HIPK2: variants seen among roughly 807,000 people sequenced by gnomAD.
The protein encoded by HIPK2 is homeodomain interacting protein kinase 2, also known as homeodomain-interacting protein kinase 2.
HIPK2 carries 27 observed loss-of-function variants against 113.7 expected under a neutral mutation model. That is an observed-to-expected ratio of 0.24 (90% CI 0.17 to 0.33). The LOEUF (loss-of-function observed/expected upper bound fraction) is 0.33, where lower values mean the gene tolerates loss of function less well. Among genes scored for constraint, HIPK2 ranks in the 10% least tolerant of loss-of-function variants. The pLI, the probability that HIPK2 is intolerant of heterozygous loss-of-function variation, is 1.00. For synonymous variants in HIPK2, 631 were observed against 642.2 expected (o/e 0.98, Z 0.26); for missense variants, 1,257 against 1,588.0 (o/e 0.79, Z 3.54).
At chr7:139,775,000 A>G (rs539216537) in intron 1 of HIPK2, among the ~76,000 whole-genome samples, 1 of 152,322 alleles carries the variant, frequency 6.6e-6, no homozygotes, top group African/African-American at 2.4e-5. Context: ...TTCTGTCTAA[A>G]TCTCTGGCGG....
chr7:139,714,245 G>A lies in HIPK2; in HGVS notation c.1103+1687C>T, dbSNP rs184796789. On this transcript the variant is annotated intron_variant, in intron 2 of 14. Coordinates refer to ENST00000406875, the MANE Select transcript of HIPK2 (RefSeq NM_022740.5). The surrounding 1 kb of genome is among the most constrained non-coding windows in gnomAD (Gnocchi z 4.2). ...CTCGCAGAGAGCTGTTCTAACTCAG[G>A]AAATGCCTCCTAAAGGGAAGAGGGA... Among the ~76,000 whole-genome samples, 393 of 152,342 alleles carry A rather than the reference G, an allele frequency of 2.6e-3. 2 individuals carry two copies. The highest frequency in any genetic ancestry group is 4.8e-3 in the Non-Finnish European group (326 of 68,024).
At chr7:139,776,000 A>G (rs899278307) in intron 1 of HIPK2, among the ~76,000 whole-genome samples, 11 of 152,178 alleles carry the variant, frequency 7.2e-5, no homozygotes, top group Admixed American at 7.2e-4. Flanking sequence ...TCAAGGAGGT[A>G]CTTAATAAAG....
chr7:139,588,009 C>A (rs1209758846), intron 12 of HIPK2, among the ~76,000 whole-genome samples: 1 of 152,066 alleles, frequency 6.6e-6, no homozygotes, highest in Non-Finnish European at 1.5e-5. Flanking sequence ...CATGATGAAA[C>A]CTTGTCTCTA....
intron 1 of HIPK2, 37 bp from the exon 2 acceptor site, chr7:139,717,052 T>A: frequency 1.9e-6 from 3 of 1,576,530 alleles, no homozygotes; most frequent in Non-Finnish European, 2.6e-6. Context: ...AGTATCGGAG[T>A]CACCTTGGTA....
intron 2 of HIPK2, among the ~76,000 whole-genome samples, chr7:139,642,100 C>T (rs1215249632): frequency 1.3e-5 from 2 of 152,174 alleles, no homozygotes; most frequent in African/African-American, 2.4e-5. Flanking sequence ...AAGGTGTACT[C>T]GAACTGCAGA....
At position 139,614,373 on chromosome 7, in the gene HIPK2, T is replaced by TGCTCCGCTGGGCCAC. The variant is rs757304037; in HGVS notation, c.1888_1902dup (p.Val630_Ser634dup). ...TGGGCTGTTCCTGTCTGCAGGGGCA[T>TGCTCCGCTGGGCCAC]GCTCCGCTGGGCCACTGCAGCCATG... On this transcript the variant is annotated inframe_insertion, in exon 8 of 15. Coordinates refer to ENST00000406875, the MANE Select transcript of HIPK2 (RefSeq NM_022740.5). The TGCTCCGCTGGGCCAC allele has an allele frequency of 6.3e-7, 1 of 1,585,950 alleles. No homozygotes were observed. Among genetic ancestry groups the TGCTCCGCTGGGCCAC allele is most frequent in the Non-Finnish European group, 8.6e-7 (1 of 1,161,596 alleles).
intron 1 of HIPK2, among the ~76,000 whole-genome samples, chr7:139,750,073 C>T (rs766546503): frequency 6.6e-6 from 1 of 152,206 alleles, no homozygotes; most frequent in African/African-American, 2.4e-5. Flanking sequence ...CCCCTGGAGA[C>T]ATTAATACAG....
intron 1 of HIPK2, among the ~76,000 whole-genome samples, chr7:139,745,073 A>G (rs1796168109): frequency 6.6e-6 from 1 of 152,202 alleles, no homozygotes; most frequent in South Asian, 2.1e-4. Context: ...AAGCTGGCGT[A>G]TTGTTCACTG....
intron 2 of HIPK2, among the ~76,000 whole-genome samples, chr7:139,669,766 G>GT (rs1342249362): frequency 1.3e-5 from 2 of 152,154 alleles, no homozygotes; most frequent in African/African-American, 2.4e-5. Flanking sequence ...AATTATCATG[G>GT]AATAAAAAGA....
intron 1 of HIPK2, among the ~76,000 whole-genome samples, chr7:139,719,687 A>G (rs139780777): frequency 1.3e-5 from 2 of 152,218 alleles, no homozygotes; most frequent in East Asian, 1.9e-4. Flanking sequence ...CTTGGCTCCA[A>G]AACTATGAAC....
intron 12 of HIPK2, among the ~76,000 whole-genome samples, chr7:139,584,597 T>A (rs1366592582): frequency 6.6e-6 from 1 of 152,214 alleles, no homozygotes; most frequent in Non-Finnish European, 1.5e-5. Flanking sequence ...AGCGTGAGGC[T>A]CTGAGGGGGC....
rs1802235453 is a variant in HIPK2, at chr7:139,670,686, A to G, written c.1104-38961T>C. Among the ~76,000 whole-genome samples, 4 of 149,318 alleles carry G rather than the reference A, an allele frequency of 2.7e-5. No individual in the cohort carries two copies. The South Asian group carries it at 8.4e-4, about 31-fold the overall frequency. ...TTAAAAAGGGAGGTGTGTAGCTACC[A>G]CCTTTGCATTCCCAATCATTCAAAA... On this transcript the variant is annotated intron_variant, in intron 2 of 14. Transcript: ENST00000406875.
intron 1 of HIPK2, among the ~76,000 whole-genome samples, chr7:139,774,658 T>C (rs994372027): frequency 1.3e-5 from 2 of 152,232 alleles, no homozygotes; most frequent in South Asian, 2.1e-4. Flanking sequence ...CCAATAGTAA[T>C]CAACACAGCA....
chr7:139,744,422 C>T (rs530699897), intron 1 of HIPK2, among the ~76,000 whole-genome samples: 5 of 152,008 alleles, frequency 3.3e-5, no homozygotes, highest in African/African-American at 7.3e-5. Context: ...GAAGGAGAAG[C>T]GAATAGGGAG....
chr7:139,615,752 G>T (rs1800017828), intron 7 of HIPK2, among the ~76,000 whole-genome samples: 1 of 152,296 alleles, frequency 6.6e-6, no homozygotes, highest in African/African-American at 2.4e-5. Context: ...AAAGGACAAA[G>T]TCTTATTTTA....
intron 2 of HIPK2, among the ~76,000 whole-genome samples, chr7:139,687,387 A>T (rs936044094): frequency 1.3e-5 from 2 of 152,230 alleles, no homozygotes; most frequent in Non-Finnish European, 2.9e-5. Context: ...AATGCATGTG[A>T]TTCACTGTAT....
At chr7:139,706,184 T>C (rs2116885794) in intron 2 of HIPK2, among the ~76,000 whole-genome samples, 1 of 152,370 alleles carries the variant, frequency 6.6e-6, no homozygotes. Flanking sequence ...GGAACTGATC[T>C]GTTCGAAGCT....
chr7:139,628,841 A>C, intron 5 of HIPK2, 112 bp downstream of exon 5: 1 of 852,784 alleles, frequency 1.2e-6, no homozygotes, highest in Non-Finnish European at 1.8e-6. Context: ...AAGGTCAACC[A>C]CTGCAGTTGA....
In HIPK2 at chr7:139,613,293, C is replaced by T; in HGVS notation, c.2021G>A (p.Gly674Asp). The T allele has an allele frequency of 6.2e-7, 1 of 1,613,554 alleles. No individual in the cohort carries two copies. The highest frequency in any genetic ancestry group is 8.5e-7 in the Non-Finnish European group (1 of 1,179,740). Reference protein sequence around the residue: ...GLQASPSKHAGYSVRMENAVP... With the variant: ...GLQASPSKHADYSVRMENAVP... ...TGCATTTTCCATTCGCACCGAGTAG[C>T]CAGCGTGCTTAGAGGGAGAGGCCTG... The change falls in exon 9 of 15, where the codon GGC (glycine) becomes GAC (aspartate). Residue 674 changes from glycine (G) to aspartate (D), a missense_variant. Coordinates refer to ENST00000406875, the MANE Select transcript of HIPK2 (RefSeq NM_022740.5). The surrounding 1 kb of genome is among the most constrained non-coding windows in gnomAD (Gnocchi z 4.2).
Sources: allele counts gnomAD v4.1 joint callset (sites outside exome capture counted in the v4.1 genomes callset), GRCh38; gene constraint gnomAD v4.1.1; non-coding constraint Gnocchi (gnomAD v3.1); transcripts MANE v1.5; gene names NCBI Gene and HGNC (gene_info 2026-07-23, HGNC 2026-07-21).